The following VAT1L variants were observed in gnomAD, a reference collection of about 807,000 sequenced individuals.
VAT1L encodes putative NADPH-dependent quinone oxidoreductase VAT1L.
VAT1L carries 34 observed loss-of-function variants against 44.1 expected under a neutral mutation model. The ratio of observed to expected loss-of-function variants is 0.77; its 90% confidence interval spans 0.59 to 1.03. The LOEUF is 1.03. Among genes scored for constraint, VAT1L ranks in the 50% least tolerant of loss-of-function variants. The pLI is 0.00. For synonymous variants in VAT1L, 253 were observed against 202.2 expected (o/e 1.25, Z -2.13); for missense variants, 615 against 538.8 (o/e 1.14, Z -1.40).
chr16:77,860,667 T>C (rs1567490445), intron 3 of VAT1L, among the ~76,000 whole-genome samples: 2 of 152,178 alleles, frequency 1.3e-5, no homozygotes, highest in Non-Finnish European at 2.9e-5. Flanking sequence ...TTTTAGAGAA[T>C]TGCTGCATTG....
At chr16:77,828,716 CAGAG>C (rs926395016) in intron 3 of VAT1L, among the ~76,000 whole-genome samples, 18 of 151,944 alleles carry the variant, frequency 1.2e-4, no homozygotes, top group Admixed American at 4.6e-4. Context: ...GTAGAAGAAT[CAGAG>C]AGAGAATGAG....
At chr16:77,901,205 C>T (rs2017379232) in intron 7 of VAT1L, among the ~76,000 whole-genome samples, 1 of 136,852 alleles carries the variant, frequency 7.3e-6, no homozygotes, top group African/African-American at 2.8e-5. Flanking sequence ...GCTCTGTCAC[C>T]CAGGCTGGAG....
At chr16:77,962,488 C>A (rs373599990) in intron 7 of VAT1L, among the ~76,000 whole-genome samples, 6 of 152,120 alleles carry the variant, frequency 3.9e-5, no homozygotes, top group African/African-American at 1.2e-4. Context: ...AGAGTAGAAT[C>A]TCTCCTCTGG....
intron 7 of VAT1L, among the ~76,000 whole-genome samples, chr16:77,922,336 T>C (rs73564446): frequency 0.035 from 5,327 of 152,228 alleles, 320 homozygotes; most frequent in African/African-American, 0.12. Context: ...CACAGAATTA[T>C]AGTAATTACC....
intron 3 of VAT1L, among the ~76,000 whole-genome samples, chr16:77,860,313 A>T (rs973770741): frequency 2.9e-4 from 44 of 152,158 alleles, no homozygotes; most frequent in Non-Finnish European, 1.3e-4. Flanking sequence ...TAGGTTTTGG[A>T]TCAGTTGAGT....
chr16:77,869,811 C>A (rs987489912), intron 4 of VAT1L, among the ~76,000 whole-genome samples: 51 of 152,144 alleles, frequency 3.4e-4, no homozygotes, highest in African/African-American at 9.4e-4. Flanking sequence ...AACTCCCGAT[C>A]GAGGGGGAGC....
intron 7 of VAT1L, among the ~76,000 whole-genome samples, chr16:77,916,465 G>C (rs2017553332): frequency 6.6e-6 from 1 of 151,978 alleles, no homozygotes; most frequent in African/African-American, 2.4e-5. Flanking sequence ...TGGGTTTTTT[G>C]TTTTTGTTTT....
intron 7 of VAT1L, among the ~76,000 whole-genome samples, chr16:77,953,861 T>C (rs1597119012): frequency 1.3e-5 from 2 of 152,178 alleles, no homozygotes; most frequent in East Asian, 1.9e-4. Context: ...TAGATCCTGA[T>C]GTTTCCTTCC....
rs1366662 is a variant in VAT1L, at chr16:77,843,780, T to C, written c.579+18319T>C. On this transcript the variant is annotated intron_variant, in intron 3 of 8. Transcript: ENST00000302536. ...GATAAAAACTGGTCTAATATTTGCA[T>C]ACAACCTATGCTCACTCAGGGTCCC... 8.8e-3 allele frequency among the ~76,000 whole-genome samples: 1,347 copies of C among 152,276 alleles called. 23 individuals are homozygous for C. The highest frequency in any genetic ancestry group is 0.03 in the African/African-American group (1,263 of 41,538).
chr16:77,858,179 G>T (rs545540915), intron 3 of VAT1L, among the ~76,000 whole-genome samples: 1 of 152,056 alleles, frequency 6.6e-6, no homozygotes, highest in Non-Finnish European at 1.5e-5. Flanking sequence ...GTCACGCTTC[G>T]GGAGAAAAGA....
chr16:77,872,646 C>G (rs111578015), intron 4 of VAT1L, among the ~76,000 whole-genome samples: 256 of 152,256 alleles, frequency 1.7e-3, no homozygotes, highest in African/African-American at 5.8e-3. Context: ...CACCATAAGG[C>G]CTTTGCACAT....
intron 1 of VAT1L, among the ~76,000 whole-genome samples, chr16:77,793,406 A>G (rs2015870544): frequency 6.6e-6 from 1 of 152,180 alleles, no homozygotes; most frequent in South Asian, 2.1e-4. Flanking sequence ...AGAAGCTACA[A>G]TCATAAACTG....
At chr16:77,959,909 C>T (rs1281744164) in intron 7 of VAT1L, among the ~76,000 whole-genome samples, 1 of 152,108 alleles carries the variant, frequency 6.6e-6, no homozygotes, top group Non-Finnish European at 1.5e-5. Context: ...TTGACTTTTG[C>T]TCTTTTGTCC....
chr16:77,907,251 C>T lies in VAT1L; in HGVS notation c.1077+22449C>T, dbSNP rs372959815. 8.5e-5 allele frequency among the ~76,000 whole-genome samples: 13 copies of T among 152,274 alleles called. No individual in the cohort carries two copies. In the East Asian group the frequency reaches 1.5e-3, roughly 18 times the overall value. On this transcript the variant is annotated intron_variant, in intron 7 of 8. Transcript: ENST00000302536. ...GGAGTCAGTGCCCCATACGTATTCC[C>T]TGGACTCCAGTTCCACAGAGTTGGC...
chr16:77,801,705 A>G (rs2016058394), intron 1 of VAT1L: 1 of 87,016 alleles, frequency 1.1e-5, no homozygotes, highest in Non-Finnish European at 2.2e-5. Context: ...CAAAGTACAC[A>G]CTTTCATTTA....
intron 6 of VAT1L, chr16:77,882,361 A>G (rs1351347555): frequency 1.3e-5 from 2 of 152,260 alleles, no homozygotes; most frequent in African/African-American, 4.8e-5. Context: ...GATGATACTA[A>G]TAGAAGAAGT....
intron 7 of VAT1L, among the ~76,000 whole-genome samples, chr16:77,935,063 G>C (rs774390297): frequency 6.6e-6 from 1 of 152,100 alleles, no homozygotes; most frequent in African/African-American, 2.4e-5. Context: ...CTTTGGGCAG[G>C]TCTCTTCTGT....
In VAT1L at chr16:77,868,036, T is replaced by C. The variant is rs960766610; in HGVS notation, c.722+5146T>C. 5.9e-5 allele frequency among the ~76,000 whole-genome samples: 9 copies of C among 152,316 alleles called. No homozygotes were observed. The East Asian group carries it at 1.7e-3, about 29-fold the overall frequency. ...AACTCATCATAAGCTTAAAATATCA[T>C]GAGTCAAAAATGTATTTAATACACC... On this transcript the variant is annotated intron_variant, in intron 4 of 8. Transcript: ENST00000302536.
chr16:77,912,789 T>G (rs2017512455), intron 7 of VAT1L, among the ~76,000 whole-genome samples: 1 of 152,204 alleles, frequency 6.6e-6, no homozygotes, highest in Non-Finnish European at 1.5e-5. Context: ...CCCACAGTTC[T>G]GGAGGCTCGC....
Sources: gnomAD v4.1 joint callset for allele counts (sites outside exome capture counted in the v4.1 genomes callset) on GRCh38, gnomAD v4.1.1 for gene constraint, MANE v1.5 for transcripts, NCBI Gene and HGNC (gene_info 2026-07-23, HGNC 2026-07-21) for gene names.